MCTP1: variants seen among roughly 807,000 people sequenced by gnomAD.
The protein encoded by MCTP1 is multiple C2 and transmembrane domain-containing protein 1.
A neutral mutation model predicts 120.6 loss-of-function variants in MCTP1; 69 were observed. That is an observed-to-expected ratio of 0.57 (90% confidence interval 0.47 to 0.70). MCTP1 has a LOEUF of 0.70. Ranked by LOEUF, MCTP1 falls within the 30% of genes least tolerant of loss-of-function variation. The pLI, the probability that MCTP1 is intolerant of heterozygous loss-of-function variation, is 0.00. For missense variants in MCTP1, 1,203 were observed against 1,248.8 expected (o/e 0.96, Z 0.55); for synonymous variants, 529 against 493.1 (o/e 1.07, Z -0.96).
intron 1 of MCTP1, among the ~76,000 whole-genome samples, chr5:95,103,558 T>C (rs889767179): frequency 6.6e-6 from 1 of 152,200 alleles, no homozygotes; most frequent in Non-Finnish European, 1.5e-5. Flanking sequence ...TGAGGAGCCA[T>C]TGCTACCTCT....
intron 6 of MCTP1, chr5:94,931,053 A>G (rs942982215): frequency 6.6e-6 from 1 of 152,148 alleles, no homozygotes; most frequent in Non-Finnish European, 1.5e-5. Flanking sequence ...AATGTACAGT[A>G]AGAGACACTT....
rs186372344 is a variant in MCTP1 at position 94,915,511 on chromosome 5, T to C, written c.1350+2385A>G. On this transcript the variant is annotated intron_variant, in intron 8 of 22. Transcript: ENST00000515393. ...GTTGAAGAATATACTTAATGCCATT[T>C]TTCTATGTGCTCTCTAGAAGCAGTC... is the stretch of plus-strand genomic sequence containing the variant. Among the ~76,000 whole-genome samples, 373 of 152,332 alleles carry C rather than the reference T, an allele frequency of 2.4e-3. 3 individuals are homozygous for C. Among genetic ancestry groups the C allele is most frequent in the Non-Finnish European group, 4.1e-3 (277 of 68,028 alleles).
At chr5:95,068,075 T>C (rs1226557181) in intron 1 of MCTP1, among the ~76,000 whole-genome samples, 1 of 152,188 alleles carries the variant, frequency 6.6e-6, no homozygotes, top group Non-Finnish European at 1.5e-5. Context: ...CGTTCTTTTT[T>C]GATAAAGAAA....
intron 2 of MCTP1, among the ~76,000 whole-genome samples, chr5:95,011,764 C>T (rs373323289): frequency 6.6e-5 from 10 of 152,106 alleles, no homozygotes; most frequent in African/African-American, 2.2e-4. Flanking sequence ...GTTACCCAGT[C>T]TCAGGTAATT....
At chr5:94,853,498 G>A (rs948383581) in intron 17 of MCTP1, among the ~76,000 whole-genome samples, 1 of 151,928 alleles carries the variant, frequency 6.6e-6, no homozygotes, top group African/African-American at 2.4e-5. Flanking sequence ...ACACTTCTTA[G>A]GCAGGTAGCT....
chr5:94,923,976 A>G lies in MCTP1; in HGVS notation c.1258T>C (p.Ser420Pro). 1 of 1,527,154 alleles carries G rather than the reference A, an allele frequency of 6.5e-7. No individual in the cohort carries two copies. 94.6% of individuals were successfully genotyped at this position (1,527,154 alleles called of 1,614,324 possible). ...TTAGACATTACCCTCCAAAAGAGAGACTTCACAGAGAAATAAGATCCAACC... is the reference window on the plus strand; with the variant it reads ...TTAGACATTACCCTCCAAAAGAGAGGCTTCACAGAGAAATAAGATCCAACC... ...EVVGSYFSVK[S>P]LFWRTCGRPA... The change falls in exon 7 of 23, where the codon TCT becomes CCT. Residue 420 changes from serine (S) to proline (P), a missense_variant. Transcript: ENST00000515393.
intron 19 of MCTP1, among the ~76,000 whole-genome samples, chr5:94,718,904 A>G (rs1271535547): frequency 6.6e-6 from 1 of 152,196 alleles, no homozygotes; most frequent in African/African-American, 2.4e-5. Flanking sequence ...TATTTTTAGT[A>G]GAGATGGGGT....
intron 1 of MCTP1, among the ~76,000 whole-genome samples, chr5:95,117,475 A>T (rs1225657170): frequency 6.6e-6 from 1 of 151,768 alleles, no homozygotes; most frequent in African/African-American, 2.4e-5. Context: ...ATACCATTTC[A>T]TGCCAGTCAG....
intron 1 of MCTP1, among the ~76,000 whole-genome samples, chr5:95,224,125 A>G (rs1753994176): frequency 6.6e-6 from 1 of 152,214 alleles, no homozygotes; most frequent in South Asian, 2.1e-4. Context: ...ACTGCCATAA[A>G]GGGCATGTTA....
intron 1 of MCTP1, among the ~76,000 whole-genome samples, chr5:95,269,290 C>A (rs1759169236): frequency 6.6e-6 from 1 of 152,164 alleles, no homozygotes; most frequent in Non-Finnish European, 1.5e-5. Context: ...AAATGGACAT[C>A]TTTACAAAAC....
intron 17 of MCTP1, chr5:94,826,731 C>T (rs2153129044): frequency 6.1e-6 from 2 of 328,694 alleles, no homozygotes; most frequent in Admixed American, 3.9e-5. Flanking sequence ...GACACATCCA[C>T]TTAAAGTCTG....
chr5:94,894,211 AAT>A (rs1803356469), intron 11 of MCTP1, among the ~76,000 whole-genome samples: 1 of 152,236 alleles, frequency 6.6e-6, no homozygotes, highest in South Asian at 2.1e-4. Flanking sequence ...TGAAAATAAA[AAT>A]CATTCCTGTG....
chr5:94,945,135 C>T (rs1288184259), intron 3 of MCTP1, among the ~76,000 whole-genome samples: 1 of 152,050 alleles, frequency 6.6e-6, no homozygotes, highest in African/African-American at 2.4e-5. Flanking sequence ...GTCTTAGGCA[C>T]CCACTCTAAG....
intron 1 of MCTP1, among the ~76,000 whole-genome samples, chr5:95,150,229 C>A (rs753186801): frequency 6.6e-6 from 1 of 152,164 alleles, no homozygotes; most frequent in Non-Finnish European, 1.5e-5. Flanking sequence ...ATAATTTGAA[C>A]TTTTATTGAT....
chr5:94,715,378 A>C lies in MCTP1; in HGVS notation c.2611-492T>G, dbSNP rs306576. 2.5e-3 allele frequency among the ~76,000 whole-genome samples: 372 copies of C among 150,112 alleles called. 2 individuals carry two copies. The highest frequency in any genetic ancestry group is 8.8e-3 in the African/African-American group (358 of 40,594). On this transcript the variant is annotated intron_variant, in intron 19 of 22. Coordinates refer to ENST00000515393, the MANE Select transcript of MCTP1 (RefSeq NM_024717.7). ...ATGAAAACTACAAAAAAAAAAAAAA[A>C]AAAAAAAAAAACACCACCACCAAAA...
chr5:95,222,246 T>C (rs888861174), intron 1 of MCTP1, among the ~76,000 whole-genome samples: 2 of 152,200 alleles, frequency 1.3e-5, no homozygotes, highest in African/African-American at 4.8e-5. Context: ...GTCCATTGGC[T>C]AGAACCTAGT....
At chr5:95,199,845 C>A (rs577500249) in intron 1 of MCTP1, among the ~76,000 whole-genome samples, 8 of 140,472 alleles carry the variant, frequency 5.7e-5, no homozygotes, top group African/African-American at 2.1e-4. Flanking sequence ...GGCAACAGAG[C>A]AAGAGACTCC....
At chr5:94,925,993 G>C (rs1402997881) in intron 6 of MCTP1, among the ~76,000 whole-genome samples, 1 of 151,886 alleles carries the variant, frequency 6.6e-6, no homozygotes, top group Non-Finnish European at 1.5e-5. Context: ...AGATTTTAGA[G>C]TAAAAAATCT....
intron 18 of MCTP1, chr5:94,791,826 C>T (rs926639519): frequency 2.0e-5 from 3 of 152,368 alleles, no homozygotes; most frequent in African/African-American, 7.2e-5. Flanking sequence ...TCCTCCTCTC[C>T]AGACCCACTA....
Sources: gnomAD v4.1 joint callset for allele counts (sites outside exome capture counted in the v4.1 genomes callset) on GRCh38, gnomAD v4.1.1 for gene constraint, MANE v1.5 for transcripts, NCBI Gene and HGNC (gene_info 2026-07-23, HGNC 2026-07-21) for gene names.